Variants in MIDEAS observed in about 807,000 individuals in gnomAD.
MIDEAS encodes mitotic deacetylase associated SANT domain protein.
A neutral mutation model predicts 102.7 loss-of-function variants in MIDEAS; 26 were observed. That is an observed-to-expected ratio of 0.25 (90% CI 0.19 to 0.35). The LOEUF is 0.35. Among genes scored for constraint, MIDEAS ranks in the 10% least tolerant of loss-of-function variants. MIDEAS has a pLI of 1.00. For synonymous variants in MIDEAS, 585 were observed against 591.0 expected, an observed-to-expected ratio of 0.99 and a Z score of 0.15; for missense variants, 1,231 against 1,435.6, an observed-to-expected ratio of 0.86 and a Z score of 2.30.
intron 2 of MIDEAS, 86 bp downstream of exon 2, chr14:73,738,474 C>T: frequency 2.1e-6 from 3 of 1,429,234 alleles, no homozygotes; most frequent in South Asian, 1.6e-5. Context: ...TCTGGCTTTC[C>T]CTAGGCAAGA....
chr14:73,726,741 G>A, intron 6 of MIDEAS, 34 bp from the exon 7 acceptor site: 1 of 1,613,230 alleles, frequency 6.2e-7, no homozygotes. Flanking sequence ...GGGAGGGGAG[G>A]AAACCACGTT....
intron 1 of MIDEAS, among the ~76,000 whole-genome samples, chr14:73,781,143 T>C (rs906372180): frequency 6.6e-6 from 1 of 152,174 alleles, no homozygotes; most frequent in African/African-American, 2.4e-5. Flanking sequence ...CTGTGGGAAC[T>C]TGGAGAAGGA....
At chr14:73,786,724 C>T (rs1474627743) in intron 1 of MIDEAS, among the ~76,000 whole-genome samples, 1 of 152,224 alleles carries the variant, frequency 6.6e-6, no homozygotes, top group African/African-American at 2.4e-5. Context: ...AGGTCATTTC[C>T]CAGGGAAGCA....
chr14:73,771,719 C>T (rs1183316637), intron 1 of MIDEAS, among the ~76,000 whole-genome samples: 1 of 152,212 alleles, frequency 6.6e-6, no homozygotes, highest in Non-Finnish European at 1.5e-5. Flanking sequence ...GTCAGACGGC[C>T]CTGCCTGCTA....
chr14:73,745,378 C>T (rs1030209672), intron 1 of MIDEAS, among the ~76,000 whole-genome samples: 1 of 152,204 alleles, frequency 6.6e-6, no homozygotes, highest in African/African-American at 2.4e-5. Flanking sequence ...AGGCTTCTAC[C>T]CCCACCTAGA....
intron 1 of MIDEAS, among the ~76,000 whole-genome samples, chr14:73,782,454 A>G (rs1036326232): frequency 3.3e-5 from 5 of 152,110 alleles, no homozygotes; most frequent in African/African-American, 1.2e-4. Flanking sequence ...CAGCCTCCCA[A>G]GTAACTGGGA....
rs376004383 is a variant in MIDEAS at position 73,784,507 on chromosome 14, T to G, written c.-248+2595A>C. On this transcript the variant is annotated intron_variant, in intron 1 of 11. Coordinates refer to the MIDEAS transcript ENST00000394071. ...CTCCCCTCCACTCTCCCAGCTACAC[T>G]CTGGAGGGCTTTTGGGGCACTTTTA... Among the ~76,000 whole-genome samples the G allele has an allele frequency of 2.2e-4, 34 of 152,264 alleles. No homozygotes were observed. In the East Asian group the frequency reaches 4.8e-3, roughly 22 times the overall value.
At chr14:73,782,370 T>G (rs1037594724) in intron 1 of MIDEAS, among the ~76,000 whole-genome samples, 5 of 152,192 alleles carry the variant, frequency 3.3e-5, no homozygotes, top group Admixed American at 6.5e-5. Flanking sequence ...TATATATATA[T>G]ATAGATATAT....
In MIDEAS at chr14:73,725,911, G is replaced by T; in HGVS notation, c.2485+122C>A. The T allele has an allele frequency of 1.2e-6, 1 of 841,650 alleles. No homozygotes were observed. Among genetic ancestry groups the T allele is most frequent in the Non-Finnish European group, 1.9e-6 (1 of 520,418 alleles). The allele number at this position is 841,650 out of a possible 1,614,324, so 52.1% of individuals were successfully genotyped here. A position where few individuals can be genotyped will look rare whatever the true frequency, so the allele number is the denominator to read the frequency against. On this transcript the variant is annotated intron_variant, in intron 8 of 12. Coordinates refer to ENST00000423556, the MANE Select transcript of MIDEAS (RefSeq NM_001367710.1). The surrounding 1 kb of genome is among the most constrained non-coding windows in gnomAD (Gnocchi z 4.1). ...TGGCAGTTCCCTCACTCTGACTCTT[G>T]GCTTATCTACCCTCCTCCTCCCGCC...
rs1348247522 is a variant in MIDEAS, at chr14:73,716,277, A to T, written c.*2566T>A. On this transcript the variant is annotated 3_prime_UTR_variant, in exon 13 of 13. Transcript: ENST00000423556. Reference sequence around the variant, plus strand: ...TCCTAGACATGAATGCATAAAATACAGTGTCTGGCGGGATAATGCAGAGAG... The same window carrying T: ...TCCTAGACATGAATGCATAAAATACTGTGTCTGGCGGGATAATGCAGAGAG... 1 of 152,252 alleles carries T rather than the reference A, an allele frequency of 6.6e-6. No individual in the cohort carries two copies. Among genetic ancestry groups the T allele is most frequent in the Non-Finnish European group, 1.5e-5 (1 of 68,040 alleles). The allele number at this position is 152,252 out of a possible 1,614,324, so 9.4% of individuals were successfully genotyped here.
Position 73,739,340 on chromosome 14 carries a change from G to A in MIDEAS, c.669C>T (p.His223=). The A allele has an allele frequency of 6.2e-7, 1 of 1,605,146 alleles. No homozygotes were observed. The highest frequency in any genetic ancestry group is 8.5e-7 in the Non-Finnish European group (1 of 1,174,726). Residue 223 remains histidine, a synonymous_variant, in exon 2 of 13, where the codon CAC becomes CAT. Coordinates refer to ENST00000423556, the MANE Select transcript of MIDEAS (RefSeq NM_001367710.1). ...GCCGGAAGACCTGCCGGTTCACCTG[G>A]TGGCCGAATGCCAGCTGGAAGGGTT... is the stretch of plus-strand genomic sequence containing the variant. ...PLQPFQLAFG[H]QVNRQVFRQG...
At chr14:73,730,428 C>G (rs555543816) in intron 3 of MIDEAS, among the ~76,000 whole-genome samples, 3 of 152,336 alleles carry the variant, frequency 2.0e-5, no homozygotes, top group African/African-American at 7.2e-5. Flanking sequence ...GACCTACCAC[C>G]TTTATTGCCA....
intron 1 of MIDEAS, among the ~76,000 whole-genome samples, chr14:73,771,337 T>C (rs1340138254): frequency 1.3e-5 from 2 of 152,078 alleles, no homozygotes; most frequent in Non-Finnish European, 2.9e-5. Flanking sequence ...GGGCAGAGCT[T>C]CAGCAGGCTC....
intron 5 of MIDEAS, chr14:73,727,209 C>T (rs1294229841): frequency 4.8e-6 from 3 of 629,108 alleles, no homozygotes; most frequent in Non-Finnish European, 8.2e-6. Flanking sequence ...GGGAAAGAGC[C>T]TCTGGACCCC....
chr14:73,785,504 C>A (rs2053798776), intron 1 of MIDEAS, among the ~76,000 whole-genome samples: 1 of 152,154 alleles, frequency 6.6e-6, no homozygotes, highest in South Asian at 2.1e-4. Context: ...CCTCTTTGCC[C>A]AGCACAATAA....
In MIDEAS at chr14:73,717,131, C is replaced by G. The variant is rs1427070810; in HGVS notation, c.*1712G>C. 1 of 152,198 alleles carries G rather than the reference C, an allele frequency of 6.6e-6. No homozygotes were observed. The highest frequency in any genetic ancestry group is 2.4e-5 in the African/African-American group (1 of 41,434). 9.4% of individuals were successfully genotyped at this position (152,198 alleles called of 1,614,324 possible). A position where few individuals can be genotyped will look rare whatever the true frequency, so the allele number is the denominator to read the frequency against. On this transcript the variant is annotated 3_prime_UTR_variant, in exon 13 of 13. Coordinates refer to ENST00000423556, the MANE Select transcript of MIDEAS (RefSeq NM_001367710.1). Reference sequence around the variant, plus strand: ...GAAAAATACCTGCATAGTTTCAAAACAAAACTCCCTCTCCACTCCCAGTTA... The same window carrying G: ...GAAAAATACCTGCATAGTTTCAAAAGAAAACTCCCTCTCCACTCCCAGTTA...
At chr14:73,768,370 C>T (rs2140165185) in intron 1 of MIDEAS, among the ~76,000 whole-genome samples, 1 of 151,694 alleles carries the variant, frequency 6.6e-6, no homozygotes, top group East Asian at 1.9e-4. Context: ...CATGAGGATA[C>T]CTCTCTGGGC....
Position 73,725,433 on chromosome 14 carries a change from A to T in MIDEAS, c.2486-73T>A. On this transcript the variant is annotated intron_variant, in intron 8 of 12. Transcript: ENST00000423556. This position sits in a 1 kb window ranked among gnomAD's most constrained non-coding sequence, Gnocchi z 4.1. ...CCACTGCAGGGCAATTTTGACAAGC[A>T]AAAAAGTGTGAGGCCATCCGCCCAT... 1 of 1,298,828 alleles carries T rather than the reference A, an allele frequency of 7.7e-7. No homozygotes were observed. The highest frequency in any genetic ancestry group is 1.1e-6 in the Non-Finnish European group (1 of 896,488). 80.5% of individuals were successfully genotyped at this position (1,298,828 alleles called of 1,614,324 possible).
upstream of MIDEAS, among the ~76,000 whole-genome samples, chr14:73,788,651 T>G (rs183692242): frequency 2.0e-5 from 3 of 152,226 alleles, no homozygotes; most frequent in African/African-American, 7.2e-5. Flanking sequence ...ATAATACTGC[T>G]TTGAGAAATA....
Sources: allele counts gnomAD v4.1 joint callset (sites outside exome capture counted in the v4.1 genomes callset), GRCh38; gene constraint gnomAD v4.1.1; non-coding constraint Gnocchi (gnomAD v3.1); transcripts MANE v1.5; gene names NCBI Gene and HGNC (gene_info 2026-07-23, HGNC 2026-07-21).